The following CPEB3 variants were observed in gnomAD, a reference collection of about 807,000 sequenced individuals.
The protein encoded by CPEB3 is cytoplasmic polyadenylation element-binding protein 3.
Under a neutral mutation model 67.2 loss-of-function variants are expected in CPEB3, and 20 were observed. That is an observed-to-expected ratio of 0.30 (90% CI 0.21 to 0.43). The LOEUF is 0.43. CPEB3 is among the 20% of genes least tolerant of loss of function. The probability of loss-of-function intolerance (pLI) is 1.00; values close to 1 mark genes in which losing one functional copy is unlikely to be tolerated. For synonymous variants in CPEB3, 376 were observed against 393.1 expected (o/e 0.96, Z 0.51); for missense variants, 746 against 968.6 (o/e 0.77, Z 3.05).
rs557454250 is a variant in CPEB3 at position 92,051,227 on chromosome 10, T to G, written c.*985A>C. The G allele has an allele frequency of 6.6e-6, 1 of 152,662 alleles. No homozygotes were observed. The highest frequency in any genetic ancestry group is 1.5e-5 in the Non-Finnish European group (1 of 68,042). 9.5% of individuals were successfully genotyped at this position (152,662 alleles called of 1,614,324 possible). On this transcript the variant is annotated 3_prime_UTR_variant, in exon 10 of 10. Coordinates refer to ENST00000265997, the MANE Select transcript of CPEB3 (RefSeq NM_014912.5). ...CCAATTCTTTGAATGAAAAAAACTTTTTTTAAAAAATGAGTATTTTTATAG... is the reference window on the plus strand; with the variant it reads ...CCAATTCTTTGAATGAAAAAAACTTGTTTTAAAAAATGAGTATTTTTATAG...
chr10:92,209,723 T>C (rs1451519453), intron 2 of CPEB3, among the ~76,000 whole-genome samples: 2 of 150,254 alleles, frequency 1.3e-5, no homozygotes, highest in African/African-American at 2.4e-5. Flanking sequence ...CAGATCACAA[T>C]ATGAGGAGTT....
chr10:92,174,786 G>C (rs933921740), intron 4 of CPEB3, among the ~76,000 whole-genome samples: 12 of 152,150 alleles, frequency 7.9e-5, no homozygotes, highest in African/African-American at 2.6e-4. Context: ...TTACATCAAA[G>C]ATCTCGGAAA....
intron 8 of CPEB3, among the ~76,000 whole-genome samples, chr10:92,090,332 A>G (rs1564769330): frequency 6.6e-6 from 1 of 152,200 alleles, no homozygotes; most frequent in Non-Finnish European, 1.5e-5. Context: ...ACCTGAGGTC[A>G]GGAGTTCAAG....
chr10:92,055,355 A>T (rs1440097145), intron 9 of CPEB3, among the ~76,000 whole-genome samples: 1 of 152,156 alleles, frequency 6.6e-6, no homozygotes, highest in Non-Finnish European at 1.5e-5. Flanking sequence ...TGCCTTATTT[A>T]CCAGCTTTCT....
chr10:92,163,447 G>A (rs1847594067), intron 4 of CPEB3, among the ~76,000 whole-genome samples: 1 of 151,982 alleles, frequency 6.6e-6, no homozygotes, highest in Admixed American at 6.6e-5. Context: ...CTTTCCTTGT[G>A]ATAAAATCAG....
chr10:92,160,843 T>C (rs986955331), intron 4 of CPEB3, among the ~76,000 whole-genome samples: 1 of 152,282 alleles, frequency 6.6e-6, no homozygotes, highest in Non-Finnish European at 1.5e-5. Flanking sequence ...GGGCAGCATG[T>C]TGAATTGGGG....
At chr10:92,158,564 T>A (rs996638327) in intron 4 of CPEB3, among the ~76,000 whole-genome samples, 1 of 152,156 alleles carries the variant, frequency 6.6e-6, no homozygotes. Context: ...GAAAAATGTA[T>A]AGAAATTTTA....
chr10:92,157,624 C>T lies in CPEB3; in HGVS notation c.1223-12539G>A, dbSNP rs142300893. Among the ~76,000 whole-genome samples, 51 of 152,206 alleles carry T rather than the reference C, an allele frequency of 3.4e-4. No homozygotes were observed. The East Asian group carries it at 9.5e-3, about 28-fold the overall frequency. Reference sequence around the variant, plus strand: ...TCATTTACTTCCGGGGTAAATCTGACTCTGAATATAACAGAAAAAAATCAC... The same window carrying T: ...TCATTTACTTCCGGGGTAAATCTGATTCTGAATATAACAGAAAAAAATCAC... On this transcript the variant is annotated intron_variant, in intron 4 of 9. Transcript: ENST00000265997.
chr10:92,239,841 C>A lies in CPEB3; in HGVS notation c.510G>T (p.Ala170=), dbSNP rs1851741648. 5.3e-6 allele frequency: 8 copies of A among 1,506,314 alleles called. No individual in the cohort carries two copies. The highest frequency in any genetic ancestry group is 2.6e-5 in the East Asian group (1 of 38,404). 93.3% of individuals were successfully genotyped at this position (1,506,314 alleles called of 1,614,324 possible). A position where few individuals can be genotyped will look rare whatever the true frequency, so the allele number is the denominator to read the frequency against. ...TQHHQQPPPP[A]PAPQPAQPAQ... Reference sequence around the variant, plus strand: ...CTGGCTGTGCCGGCTGCGGCGCGGGCGCAGGCGGCGGCGGCTGCTGGTGGT... The same window carrying A: ...CTGGCTGTGCCGGCTGCGGCGCGGGAGCAGGCGGCGGCGGCTGCTGGTGGT... The change falls in exon 2 of 10, where the codon GCG becomes GCT. Residue 170 remains alanine, a synonymous_variant. Transcript: ENST00000265997. This position sits in a 1 kb window ranked among gnomAD's most constrained non-coding sequence, Gnocchi z 6.0.
At chr10:92,066,041 G>A (rs963408122) in intron 9 of CPEB3, among the ~76,000 whole-genome samples, 8 of 151,912 alleles carry the variant, frequency 5.3e-5, no homozygotes, top group African/African-American at 1.9e-4. Flanking sequence ...GAGTTGCTGT[G>A]AGCTAAGACT....
intron 4 of CPEB3, among the ~76,000 whole-genome samples, chr10:92,148,189 A>G (rs1341372991): frequency 6.6e-6 from 1 of 152,152 alleles, no homozygotes; most frequent in Non-Finnish European, 1.5e-5. Flanking sequence ...ACAAAAACAT[A>G]ACTGTGAACT....
At chr10:92,173,854 TA>T (rs1199363287) in intron 4 of CPEB3, among the ~76,000 whole-genome samples, 1 of 152,248 alleles carries the variant, frequency 6.6e-6, no homozygotes, top group Non-Finnish European at 1.5e-5. Flanking sequence ...TTTTCATTTC[TA>T]AATTAGCCAT....
intron 1 of CPEB3, among the ~76,000 whole-genome samples, chr10:92,270,793 C>A (rs2134988421): frequency 6.6e-6 from 1 of 151,812 alleles, no homozygotes; most frequent in African/African-American, 2.4e-5. Flanking sequence ...TCATCTCAAA[C>A]TCCTGAGCTC....
chr10:92,183,159 A>G (rs1848537628), intron 3 of CPEB3, among the ~76,000 whole-genome samples: 2 of 152,212 alleles, frequency 1.3e-5, no homozygotes, highest in Non-Finnish European at 2.9e-5. Context: ...TCTATTAAAA[A>G]GCCATATGAG....
chr10:92,132,357 C>T (rs1273581271), intron 6 of CPEB3, among the ~76,000 whole-genome samples: 4 of 152,136 alleles, frequency 2.6e-5, no homozygotes, highest in South Asian at 2.1e-4. Flanking sequence ...TCATGCCTTA[C>T]TCCAATATAA....
At chr10:92,275,417 T>TA (rs1326545700) in intron 1 of CPEB3, among the ~76,000 whole-genome samples, 2 of 152,224 alleles carry the variant, frequency 1.3e-5, no homozygotes, top group African/African-American at 4.8e-5. Context: ...TACTGGCCTA[T>TA]ACAGAAATAT....
At chr10:92,119,965 AC>A (rs1003118753) in intron 6 of CPEB3, among the ~76,000 whole-genome samples, 1 of 151,840 alleles carries the variant, frequency 6.6e-6, no homozygotes, top group Admixed American at 6.6e-5. Flanking sequence ...TAAAAAAAAA[AC>A]AAATTGCGCC....
chr10:92,285,642 C>T (rs547698834), intron 1 of CPEB3, among the ~76,000 whole-genome samples: 2 of 152,126 alleles, frequency 1.3e-5, no homozygotes, highest in South Asian at 2.1e-4. Context: ...TCATATTTTC[C>T]GCTTACATAA....
chr10:92,155,361 G>A (rs1275793977), intron 4 of CPEB3, among the ~76,000 whole-genome samples: 1 of 152,100 alleles, frequency 6.6e-6, no homozygotes, highest in Non-Finnish European at 1.5e-5. Flanking sequence ...GTTAATTAGA[G>A]GAAAGGGATC....
Sources: allele counts gnomAD v4.1 joint callset (sites outside exome capture counted in the v4.1 genomes callset), GRCh38; gene constraint gnomAD v4.1.1; non-coding constraint Gnocchi (gnomAD v3.1); transcripts MANE v1.5; gene names NCBI Gene and HGNC (gene_info 2026-07-23, HGNC 2026-07-21).